Variants in GLB1L2 observed in about 807,000 individuals in gnomAD.
GLB1L2 encodes galactosidase beta 1 like 2, also known as beta-galactosidase-1-like protein 2.
In GLB1L2, 68 loss-of-function variants were observed where a neutral mutation model predicts 84.1. The ratio of observed to expected loss-of-function variants is 0.81; its 90% CI spans 0.67 to 0.99. The LOEUF (loss-of-function observed/expected upper bound fraction) is 0.99. GLB1L2 is among the 50% of genes least tolerant of loss of function. GLB1L2 has a pLI of 0.00. For synonymous variants in GLB1L2, 290 were observed against 318.0 expected, an observed-to-expected ratio of 0.91 and a Z score of 0.94; for missense variants, 762 against 805.6, an observed-to-expected ratio of 0.95 and a Z score of 0.66.
chr11:134,353,425 A>C (rs1032370457), intron 5 of GLB1L2, among the ~76,000 whole-genome samples: 2 of 152,096 alleles, frequency 1.3e-5, no homozygotes, highest in African/African-American at 4.8e-5. Flanking sequence ...AAAAAAGAAA[A>C]ATTTATTAAG....
Position 134,334,881 on chromosome 11 carries a change from C to T in GLB1L2, c.86+2734C>T, listed in dbSNP as rs1943357791. Among the ~76,000 whole-genome samples the T allele has an allele frequency of 6.6e-6, 1 of 152,174 alleles. No individual in the cohort carries two copies. Among genetic ancestry groups the T allele is most frequent in the Non-Finnish European group, 1.5e-5 (1 of 68,040 alleles). On this transcript the variant is annotated intron_variant, in intron 1 of 18. Coordinates refer to ENST00000535456, the MANE Select transcript of GLB1L2 (RefSeq NM_001370461.1). The surrounding 1 kb of genome is among the most constrained non-coding windows in gnomAD (Gnocchi z 4.1). ...CTTTCATTCTCTTCCTATTCGCACT[C>T]CATGAACACAAGAATGCCTGCTTGA...
chr11:134,375,092 A>C lies in GLB1L2; in HGVS notation c.*34A>C, dbSNP rs1944008989. 1.9e-6 allele frequency: 3 copies of C among 1,575,254 alleles called. No homozygotes were observed. Among genetic ancestry groups the C allele is most frequent in the Non-Finnish European group, 2.6e-6 (3 of 1,149,076 alleles). The stretch of plus-strand genomic sequence containing the variant: ...ACCCCCTCCTGCTGGTGCCAGTGGG[A>C]GACTGCCGCCTCCTCTTGACCTGAA... On this transcript the variant is annotated 3_prime_UTR_variant, in exon 19 of 19. Coordinates refer to ENST00000535456, the MANE Select transcript of GLB1L2 (RefSeq NM_001370461.1).
intron 8 of GLB1L2, among the ~76,000 whole-genome samples, chr11:134,366,118 C>A (rs1310351102): frequency 6.6e-6 from 1 of 152,238 alleles, no homozygotes; most frequent in African/African-American, 2.4e-5. Context: ...AGTGGCCTGG[C>A]CCATGGGTGG....
chr11:134,370,291 AG>A lies in GLB1L2; in HGVS notation c.1109del, dbSNP rs1211119411. 1 of 1,612,706 alleles carries A rather than the reference AG, an allele frequency of 6.2e-7. No homozygotes were observed. The highest frequency in any genetic ancestry group is 2.2e-5 in the East Asian group (1 of 44,812). On this transcript the variant is annotated splice_acceptor_variant, in intron 11 of 18. Transcript: ENST00000535456. LOFTEE classifies it high-confidence loss of function. The surrounding 1 kb of genome is among the most constrained non-coding windows in gnomAD (Gnocchi z 4.7). Reference sequence around the variant, plus strand: ...GGGGTGACCCTGTTTTCTGTGTTGCAGGCATCCCTCTCCCTCCCCCACCTGA... The same window carrying A: ...GGGGTGACCCTGTTTTCTGTGTTGCAGCATCCCTCTCCCTCCCCCACCTGA...
In GLB1L2 at chr11:134,370,167, C is replaced by T. The variant is rs1340631540; in HGVS notation, c.1109-126C>T. ...GGCCTCAGCAGGTGCTGAGAGCTAG[C>T]CTGTTGTTCCTCTTGGTGCTGGGAC... On this transcript the variant is annotated intron_variant, in intron 11 of 18. Coordinates refer to ENST00000535456, the MANE Select transcript of GLB1L2 (RefSeq NM_001370461.1). The surrounding 1 kb of genome is among the most constrained non-coding windows in gnomAD (Gnocchi z 4.7). 1 of 844,134 alleles carries T rather than the reference C, an allele frequency of 1.2e-6. No homozygotes were observed. Among genetic ancestry groups the T allele is most frequent in the East Asian group, 2.4e-5 (1 of 41,142 alleles). The allele number at this position is 844,134 out of a possible 1,614,324, so 52.3% of individuals were successfully genotyped here.
intron 5 of GLB1L2, among the ~76,000 whole-genome samples, chr11:134,348,026 T>C (rs985243172): frequency 6.6e-6 from 1 of 152,182 alleles, no homozygotes; most frequent in South Asian, 2.1e-4. Context: ...TTTTATATAA[T>C]AATTGGAAGC....
chr11:134,342,135 C>T (rs1395233125), intron 1 of GLB1L2, among the ~76,000 whole-genome samples: 23 of 152,058 alleles, frequency 1.5e-4, no homozygotes, highest in Admixed American at 1.4e-3. Flanking sequence ...CTGAGGGGCT[C>T]CCTGGGGCCG....
chr11:134,369,861 C>G lies in GLB1L2; in HGVS notation c.1084C>G (p.Arg362Gly). Reference sequence around the variant, plus strand: ...TTACACGGCCAAGTACATGAAGCTTCGAGACTTCTTCGGCTCCATCTCAGG... The same window carrying G: ...TTACACGGCCAAGTACATGAAGCTTGGAGACTTCTTCGGCTCCATCTCAGG... ...GDYTAKYMKL[R>G]DFFGSISGIP... The change falls in exon 11 of 19, where the codon CGA (arginine) becomes GGA (glycine). Residue 362 changes from arginine to glycine, a missense_variant. Around this residue, in one of 3 missense-constraint regions of GLB1L2, gnomAD observed 603 missense variants for 611.7 expected, o/e 0.99. Transcript: ENST00000535456. 1 of 1,613,682 alleles carries G rather than the reference C, an allele frequency of 6.2e-7. No homozygotes were observed. Among genetic ancestry groups the G allele is most frequent in the East Asian group, 2.2e-5 (1 of 44,860 alleles).
At chr11:134,355,259 T>A (rs1943685936) in intron 5 of GLB1L2, among the ~76,000 whole-genome samples, 2 of 152,350 alleles carry the variant, frequency 1.3e-5, no homozygotes, top group South Asian at 4.1e-4. Flanking sequence ...TTCCTTTAGC[T>A]CCTTGAGCAT....
rs370334150 is a variant in GLB1L2, at chr11:134,371,738, C to T, written c.1429-14C>T. ...GCCTTCTGACAGTCATCGTTAGCCC[C>T]GTGTTCCCGGCAGGGTTACACCGTG... On this transcript the variant is annotated splice_polypyrimidine_tract_variant and intron_variant, in intron 14 of 18. Coordinates refer to ENST00000535456, the MANE Select transcript of GLB1L2 (RefSeq NM_001370461.1). 234 of 1,613,482 alleles carry T rather than the reference C, an allele frequency of 1.5e-4. No homozygotes were observed. In the Middle Eastern group the frequency reaches 2.5e-3, roughly 17 times the overall value.
At chr11:134,344,479 G>T in intron 3 of GLB1L2, 24 bp downstream of exon 3, 1 of 1,610,062 alleles carries the variant, frequency 6.2e-7, no homozygotes, top group Non-Finnish European at 8.5e-7. Context: ...CTGCTTCTGT[G>T]AACTGGCCAG....
chr11:134,371,390 C>A, intron 13 of GLB1L2, 31 bp from the exon 14 acceptor site: 1 of 1,413,568 alleles, frequency 7.1e-7, no homozygotes, highest in South Asian at 1.1e-5. Context: ...TCCTGTTGGT[C>A]ATGGATGTTC....
At chr11:134,350,671 G>A (rs753573419) in intron 5 of GLB1L2, among the ~76,000 whole-genome samples, 2 of 152,216 alleles carry the variant, frequency 1.3e-5, no homozygotes, top group Admixed American at 6.5e-5. Context: ...CCAGCAGGAC[G>A]GATGAACGGT....
chr11:134,362,403 G>T (rs1328214537), intron 7 of GLB1L2, among the ~76,000 whole-genome samples: 1 of 152,208 alleles, frequency 6.6e-6, no homozygotes. Context: ...TGCGCGAGGG[G>T]ATGCTCTGGA....
chr11:134,356,426 C>A (rs373341023), intron 6 of GLB1L2, 33 bp downstream of exon 6: 6 of 1,498,284 alleles, frequency 4.0e-6, no homozygotes, highest in Admixed American at 1.7e-5. Flanking sequence ...TCTTTAGATT[C>A]CTTCCTCTGG....
chr11:134,352,644 G>A (rs1043590699), intron 5 of GLB1L2, among the ~76,000 whole-genome samples: 1 of 147,542 alleles, frequency 6.8e-6, no homozygotes, highest in Non-Finnish European at 1.5e-5. Context: ...TTCTCAATAT[G>A]TCTTCTTTTT....
intron 1 of GLB1L2, among the ~76,000 whole-genome samples, chr11:134,333,459 A>G (rs1272883062): frequency 6.6e-6 from 1 of 152,190 alleles, no homozygotes; most frequent in Non-Finnish European, 1.5e-5. Context: ...GCAGGGTAGC[A>G]AGGCGTGCAA....
At chr11:134,360,244 C>A (rs1943763862) in intron 7 of GLB1L2, 1 of 152,372 alleles carries the variant, frequency 6.6e-6, no homozygotes, top group Non-Finnish European at 1.5e-5. Flanking sequence ...TTTTGCATTT[C>A]CTTCCACAGA....
At position 134,374,679 on chromosome 11, in the gene GLB1L2, T is replaced by C; in HGVS notation, c.1785T>C (p.Leu595=). The change falls in exon 18 of 19, where the codon CTT becomes CTC. Residue 595 remains leucine, a synonymous_variant. Coordinates refer to ENST00000535456, the MANE Select transcript of GLB1L2 (RefSeq NM_001370461.1). ...GGAACATTGGACCCCAGAAGACGCT[T>C]TACCTCCCAGGTCCCTGGTTGAGCA... ...RYWNIGPQKT[L]YLPGPWLSSG... The C allele has an allele frequency of 6.2e-7, 1 of 1,613,998 alleles. No homozygotes were observed. The highest frequency in any genetic ancestry group is 2.2e-5 in the East Asian group (1 of 44,874).
Sources: gnomAD v4.1 joint callset for allele counts (sites outside exome capture counted in the v4.1 genomes callset) on GRCh38, gnomAD v4.1.1 for gene constraint, gnomAD v4.1.1 regional missense constraint, Gnocchi (gnomAD v3.1) non-coding constraint, MANE v1.5 for transcripts, NCBI Gene and HGNC (gene_info 2026-07-23, HGNC 2026-07-21) for gene names.